Variants in MACROD2 observed in about 807,000 individuals in gnomAD.
MACROD2 encodes mono-ADP ribosylhydrolase 2.
In MACROD2, 36 loss-of-function variants were observed where a neutral mutation model predicts 70.4. The ratio of observed to expected loss-of-function variants is 0.51; its 90% CI spans 0.39 to 0.68. The LOEUF (loss-of-function observed/expected upper bound fraction) is 0.68, where lower values mean the gene tolerates loss of function less well. Among genes scored for constraint, MACROD2 ranks in the 30% least tolerant of loss-of-function variants. The pLI is 0.00. For synonymous variants in MACROD2, 172 were observed against 178.8 expected (o/e 0.96, Z 0.30); for missense variants, 496 against 538.4 (o/e 0.92, Z 0.78).
At chr20:15,831,275 A>C (rs1293066603) in intron 8 of MACROD2, among the ~76,000 whole-genome samples, 2 of 152,208 alleles carry the variant, frequency 1.3e-5, no homozygotes, top group African/African-American at 2.4e-5. Context: ...AGTAATATCA[A>C]GGAAGGTCAG....
chr20:15,254,432 A>G (rs957199208), intron 6 of MACROD2, among the ~76,000 whole-genome samples: 27 of 151,990 alleles, frequency 1.8e-4, no homozygotes, highest in African/African-American at 5.6e-4. Context: ...GCACGGGGGG[A>G]AAGAGCAGGA....
rs114597252 is a variant in MACROD2 at position 15,168,328 on chromosome 20, G to A, written c.419-61612G>A. 7.8e-3 allele frequency among the ~76,000 whole-genome samples: 1,187 copies of A among 151,940 alleles called. 14 individuals carry two copies. The highest frequency in any genetic ancestry group is 0.027 in the African/African-American group (1,125 of 41,400). On this transcript the variant is annotated intron_variant, in intron 5 of 17. Coordinates refer to ENST00000684519, the MANE Select transcript of MACROD2 (RefSeq NM_001351661.2). ...CTCTTGATTTTAATACATATAAATC[G>A]AGGGCATTCTAGGATCCTAGGATCC...
chr20:14,445,897 G>T (rs1259182260), intron 3 of MACROD2, among the ~76,000 whole-genome samples: 1 of 152,092 alleles, frequency 6.6e-6, no homozygotes, highest in African/African-American at 2.4e-5. Context: ...CCTCTAAGTG[G>T]CTCCTTCAAT....
chr20:15,098,079 G>A (rs528320784), intron 5 of MACROD2, among the ~76,000 whole-genome samples: 1 of 152,262 alleles, frequency 6.6e-6, no homozygotes, highest in African/African-American at 2.4e-5. Context: ...AGCAGAACCA[G>A]TATGCCCCTG....
intron 6 of MACROD2, among the ~76,000 whole-genome samples, chr20:15,257,216 G>T (rs901681544): frequency 4.6e-5 from 7 of 151,984 alleles, no homozygotes; most frequent in Non-Finnish European, 8.8e-5. Context: ...GATGAGAAAA[G>T]CTATGATCTG....
intron 12 of MACROD2, among the ~76,000 whole-genome samples, chr20:15,940,819 G>A (rs1310988245): frequency 6.6e-6 from 1 of 152,184 alleles, no homozygotes; most frequent in Non-Finnish European, 1.5e-5. Context: ...GTGATCAAAT[G>A]TGATCAGAGC....
intron 8 of MACROD2, among the ~76,000 whole-genome samples, chr20:15,580,703 A>G (rs895236579): frequency 1.3e-5 from 2 of 152,218 alleles, no homozygotes; most frequent in Non-Finnish European, 2.9e-5. Flanking sequence ...GCAGATTAAT[A>G]GGTGAAAAGG....
intron 3 of MACROD2, among the ~76,000 whole-genome samples, chr20:14,235,473 T>C (rs1349560103): frequency 6.6e-6 from 1 of 152,158 alleles, no homozygotes; most frequent in Non-Finnish European, 1.5e-5. Flanking sequence ...AACTCCTGAG[T>C]ACCCTCTCTG....
At chr20:14,086,188 T>G in intron 3 of MACROD2, 1 of 381,460 alleles carries the variant, frequency 2.6e-6, no homozygotes, top group South Asian at 2.1e-5. Context: ...CTTAAGTTGT[T>G]AGGGTTCCAG....
At chr20:15,937,169 A>G (rs9967921) in intron 11 of MACROD2, among the ~76,000 whole-genome samples, 13,345 of 152,244 alleles carry the variant, frequency 0.088, 878 homozygotes, top group East Asian at 0.28. Flanking sequence ...GAAAAATAAT[A>G]TACCATCCTT....
At chr20:15,090,983 G>C (rs1413515320) in intron 5 of MACROD2, among the ~76,000 whole-genome samples, 1 of 151,840 alleles carries the variant, frequency 6.6e-6, no homozygotes, top group Non-Finnish European at 1.5e-5. Context: ...GCATAATGAA[G>C]AAATAGAGAA....
intron 4 of MACROD2, among the ~76,000 whole-genome samples, chr20:14,665,759 G>A (rs779067517): frequency 2.0e-5 from 3 of 151,498 alleles, no homozygotes; most frequent in South Asian, 4.2e-4. Flanking sequence ...TTTAGATTTC[G>A]TTTTCTTCCA....
intron 3 of MACROD2, among the ~76,000 whole-genome samples, chr20:14,245,457 T>C (rs77143974): frequency 0.015 from 2,229 of 152,270 alleles, 24 homozygotes; most frequent in South Asian, 0.038. Context: ...TCATTCCCAT[T>C]CTTCAGTGGA....
intron 8 of MACROD2, among the ~76,000 whole-genome samples, chr20:15,549,412 G>C (rs2048066316): frequency 6.6e-6 from 1 of 152,144 alleles, no homozygotes; most frequent in African/African-American, 2.4e-5. Context: ...GCAAGAGTTT[G>C]GAGGTGAATA....
chr20:14,874,107 A>G, intron 5 of MACROD2, among the ~76,000 whole-genome samples: 1 of 151,988 alleles, frequency 6.6e-6, no homozygotes, highest in East Asian at 1.9e-4. Context: ...AGGAGAATAT[A>G]TTTATATCTG....
chr20:15,979,377 G>A (rs144338176), intron 13 of MACROD2, among the ~76,000 whole-genome samples: 2 of 152,256 alleles, frequency 1.3e-5, no homozygotes, highest in Non-Finnish European at 2.9e-5. Context: ...CTGTTCCAGT[G>A]CCATTTCTAA....
intron 8 of MACROD2, among the ~76,000 whole-genome samples, chr20:15,825,898 C>A (rs532845776): frequency 6.6e-6 from 1 of 152,220 alleles, no homozygotes; most frequent in Non-Finnish European, 1.5e-5. Context: ...GAAGAGCAGT[C>A]AATGTTTTCA....
At chr20:15,812,631 T>C (rs1039405876) in intron 8 of MACROD2, among the ~76,000 whole-genome samples, 1 of 152,130 alleles carries the variant, frequency 6.6e-6, no homozygotes, top group Non-Finnish European at 1.5e-5. Context: ...AATTCTGAAA[T>C]GCCTGTTCAT....
chr20:14,673,077 T>C (rs1600523560), intron 4 of MACROD2, among the ~76,000 whole-genome samples: 1 of 152,230 alleles, frequency 6.6e-6, no homozygotes. Flanking sequence ...CACTGTTTAA[T>C]TGAAATCCTA....
Sources: allele counts gnomAD v4.1 joint callset (sites outside exome capture counted in the v4.1 genomes callset), GRCh38; gene constraint gnomAD v4.1.1; transcripts MANE v1.5; gene names NCBI Gene and HGNC (gene_info 2026-07-23, HGNC 2026-07-21).